Variants in AGBL1 observed in about 807,000 individuals in gnomAD.
The protein encoded by AGBL1 is cytosolic carboxypeptidase 4.
A neutral mutation model predicts 118.9 loss-of-function variants in AGBL1; 130 were observed. The ratio of observed to expected loss-of-function variants is 1.09; its 90% confidence interval spans 0.95 to 1.26. The LOEUF is 1.26. Ranked by LOEUF, AGBL1 falls within the 50% of genes most tolerant of loss-of-function variation. The pLI, the probability that AGBL1 is intolerant of heterozygous loss-of-function variation, is 0.00. For missense variants in AGBL1, 1,584 were observed against 1,298.1 expected (o/e 1.22, Z -3.38); for synonymous variants, 555 against 478.9 (o/e 1.16, Z -2.08).
At chr15:86,423,501 A>G (rs2081820995) in intron 18 of AGBL1, among the ~76,000 whole-genome samples, 1 of 152,062 alleles carries the variant, frequency 6.6e-6, no homozygotes, top group Admixed American at 6.6e-5. Context: ...CTCTTTTACC[A>G]CTCCTATTCA....
intron 22 of AGBL1, among the ~76,000 whole-genome samples, chr15:86,894,162 G>A (rs2080090163): frequency 6.6e-6 from 1 of 152,130 alleles, no homozygotes; most frequent in African/African-American, 2.4e-5. Flanking sequence ...TTTTCTCCAT[G>A]TATTTCCCAC....
Position 86,138,668 on chromosome 15 carries a change from T to G in AGBL1, c.52-3336T>G, listed in dbSNP as rs548719987. On this transcript the variant is annotated intron_variant, in intron 1 of 22. Coordinates refer to ENST00000614907, the MANE Select transcript of AGBL1 (RefSeq NM_001386094.1). ...TCAGTTTTTACCTTATTAGTTTTCT[T>G]CTTTCCCTTTTCTCCTTCCTCTTTT... Among the ~76,000 whole-genome samples, 8 of 152,358 alleles carry G rather than the reference T, an allele frequency of 5.3e-5. No individual in the cohort carries two copies. The South Asian group carries it at 1.7e-3, about 32-fold the overall frequency.
intron 22 of AGBL1, among the ~76,000 whole-genome samples, chr15:86,760,988 A>G (rs567375787): frequency 6.6e-6 from 1 of 152,200 alleles, no homozygotes; most frequent in East Asian, 1.9e-4. Context: ...GTGTAGACAG[A>G]CAGATCTGTT....
intron 17 of AGBL1, among the ~76,000 whole-genome samples, chr15:86,318,696 ATTTTTTT>A (rs57988335): frequency 0.061 from 5,019 of 82,194 alleles, 125 homozygotes; most frequent in East Asian, 0.071. Flanking sequence ...TTGATCATAG[ATTTTTTT>A]TTTTTTTTTT....
intron 4 of AGBL1, among the ~76,000 whole-genome samples, chr15:86,156,020 C>G (rs1323494085): frequency 6.6e-6 from 1 of 152,126 alleles, no homozygotes; most frequent in Non-Finnish European, 1.5e-5. Flanking sequence ...CTCCCAGGTT[C>G]AAGCAATTCT....
At chr15:86,196,858 TGTGCACATGTGCGC>T (rs1397975023) in intron 5 of AGBL1, among the ~76,000 whole-genome samples, 39 of 116,326 alleles carry the variant, frequency 3.4e-4, no homozygotes, top group South Asian at 1.2e-3. Context: ...CATATGCGAA[TGTGCACATGTGCGC>T]GCGCGCGCAC....
chr15:86,562,680 C>A (rs1178013484), intron 21 of AGBL1, among the ~76,000 whole-genome samples: 1 of 152,130 alleles, frequency 6.6e-6, no homozygotes, highest in Non-Finnish European at 1.5e-5. Context: ...GGAGGATTCC[C>A]TCTTTTTCTA....
At chr15:86,716,876 T>C (rs951692408) in intron 22 of AGBL1, among the ~76,000 whole-genome samples, 2 of 152,220 alleles carry the variant, frequency 1.3e-5, no homozygotes, top group African/African-American at 4.8e-5. Context: ...TCTAAGGGCC[T>C]ACTGGAACCC....
chr15:86,368,858 A>G (rs1567221227), intron 17 of AGBL1, among the ~76,000 whole-genome samples: 1 of 152,226 alleles, frequency 6.6e-6, no homozygotes, highest in Non-Finnish European at 1.5e-5. Context: ...ATCAAACAAA[A>G]GAAATAAAGA....
At chr15:86,122,278 A>T (rs1898136560) in intron 1 of AGBL1, among the ~76,000 whole-genome samples, 1 of 152,170 alleles carries the variant, frequency 6.6e-6, no homozygotes, top group Admixed American at 6.5e-5. Flanking sequence ...GGAAAATAGG[A>T]AGGAGGAGAA....
At chr15:86,219,508 GA>G in intron 5 of AGBL1, among the ~76,000 whole-genome samples, 1 of 152,236 alleles carries the variant, frequency 6.6e-6, no homozygotes, top group East Asian at 1.9e-4. Context: ...AGTAAACCCA[GA>G]ACCCAGAAGC....
At chr15:86,355,141 A>C (rs1218460908) in intron 17 of AGBL1, among the ~76,000 whole-genome samples, 1 of 152,222 alleles carries the variant, frequency 6.6e-6, no homozygotes, top group Non-Finnish European at 1.5e-5. Flanking sequence ...CTTCTATTGT[A>C]CAGACCTGTG....
At chr15:86,705,717 G>A (rs2086438028) in intron 22 of AGBL1, among the ~76,000 whole-genome samples, 1 of 152,046 alleles carries the variant, frequency 6.6e-6, no homozygotes, top group Non-Finnish European at 1.5e-5. Flanking sequence ...AAGCATAAGG[G>A]GCATTGATGT....
intron 16 of AGBL1, among the ~76,000 whole-genome samples, chr15:86,290,835 C>T (rs1458108514): frequency 2.0e-5 from 3 of 151,840 alleles, no homozygotes; most frequent in African/African-American, 4.8e-5. Context: ...TGCCATCCCT[C>T]CCCCTTCCCC....
chr15:87,010,545 CTCT>C (rs1022376658), intron 24 of AGBL1, among the ~76,000 whole-genome samples: 58 of 152,330 alleles, frequency 3.8e-4, no homozygotes, highest in African/African-American at 1.2e-3. Flanking sequence ...AGCTGGGACA[CTCT>C]TCTTCTCCTG....
chr15:86,910,494 T>G lies in AGBL1; in HGVS notation c.*3200T>G, dbSNP rs912918675. ...AGCAGAGGCATGCCCGTGACTGATA[T>G]CAGCGCCATTTTTCCCTTGTTTATG... is the stretch of plus-strand genomic sequence containing the variant. On this transcript the variant is annotated 3_prime_UTR_variant, in exon 23 of 23. Coordinates refer to ENST00000614907, the MANE Select transcript of AGBL1 (RefSeq NM_001386094.1). The G allele has an allele frequency of 1.3e-5, 2 of 152,200 alleles. No homozygotes were observed. Among genetic ancestry groups the G allele is most frequent in the African/African-American group, 4.8e-5 (2 of 41,456 alleles). The allele number at this position is 152,200 out of a possible 1,614,324, so 9.4% of individuals were successfully genotyped here.
At chr15:86,102,958 T>A (rs1597394827) in intron 1 of AGBL1, among the ~76,000 whole-genome samples, 1 of 152,196 alleles carries the variant, frequency 6.6e-6, no homozygotes, top group East Asian at 1.9e-4. Context: ...ATTTAAATAT[T>A]TGGCCACTTT....
intron 23 of AGBL1, among the ~76,000 whole-genome samples, chr15:86,961,555 G>A (rs1417261958): frequency 6.6e-6 from 1 of 152,048 alleles, no homozygotes; most frequent in Non-Finnish European, 1.5e-5. Flanking sequence ...GGGATGAACA[G>A]GAGAACTGCC....
chr15:86,784,128 A>G (rs183623766), intron 22 of AGBL1, among the ~76,000 whole-genome samples: 1 of 152,180 alleles, frequency 6.6e-6, no homozygotes, highest in East Asian at 1.9e-4. Context: ...AATACTTGCT[A>G]TAAAGGAGTG....
Sources: gnomAD v4.1 joint callset for allele counts (sites outside exome capture counted in the v4.1 genomes callset) on GRCh38, gnomAD v4.1.1 for gene constraint, MANE v1.5 for transcripts, NCBI Gene and HGNC (gene_info 2026-07-23, HGNC 2026-07-21) for gene names.